Variants in SOX5 observed in about 807,000 individuals in gnomAD.
SOX5 encodes the protein SRY-box transcription factor 5, also known as transcription factor SOX-5.
In SOX5, 9 loss-of-function variants were observed where a neutral mutation model predicts 92.0. That is an observed-to-expected ratio of 0.10 (90% confidence interval 0.06 to 0.17). The LOEUF is 0.17. Ranked by LOEUF, SOX5 falls within the 10% of genes least tolerant of loss-of-function variation. SOX5 has a pLI of 1.00. For missense variants in SOX5, 642 were observed against 944.5 expected (o/e 0.68, Z 4.20); for synonymous variants, 344 against 336.3 (o/e 1.02, Z -0.25).
At chr12:23,839,259 C>T (rs2096481821) in intron 3 of SOX5, among the ~76,000 whole-genome samples, 2 of 151,992 alleles carry the variant, frequency 1.3e-5, no homozygotes, top group Admixed American at 6.6e-5. Context: ...TCATACACTT[C>T]CAAATTAAGA....
chr12:24,042,378 A>T (rs933424111), intron 4 of SOX5, among the ~76,000 whole-genome samples: 32 of 152,124 alleles, frequency 2.1e-4, no homozygotes, highest in Admixed American at 2.1e-3. Context: ...CTGGCCTGGA[A>T]TCCCTCTTGA....
intron 1 of SOX5, among the ~76,000 whole-genome samples, chr12:23,940,437 A>G (rs1024594637): frequency 1.3e-5 from 2 of 151,312 alleles, no homozygotes; most frequent in African/African-American, 4.8e-5. Flanking sequence ...AAATAGCTAC[A>G]TAAATGCAAG....
intron 7 of SOX5, among the ~76,000 whole-genome samples, chr12:23,643,238 A>T (rs1035559379): frequency 1.3e-5 from 2 of 152,190 alleles, no homozygotes; most frequent in Admixed American, 6.5e-5. Flanking sequence ...AGACTCAAGG[A>T]TGACTTCCAG....
At position 23,979,683 on chromosome 12, in the gene SOX5, C is replaced by CAT. The variant is rs200671303; in HGVS notation, c.-1-83661_-1-83660dup. 9.8e-3 allele frequency among the ~76,000 whole-genome samples: 1,126 copies of CAT among 114,416 alleles called. 17 individuals carry two copies. Among genetic ancestry groups the CAT allele is most frequent in the East Asian group, 0.02 (58 of 2,912 alleles). 75.1% of individuals were successfully genotyped at this position (114,416 alleles called of 152,430 possible). On this transcript the variant is annotated intron_variant, in intron 4 of 4. Coordinates refer to the SOX5 transcript ENST00000446891. The stretch of plus-strand genomic sequence containing the variant: ...CGTTTCTCATTTTCTTTCTTCCTTC[C>CAT]ATATATATATATATGTTTTTTTTGT...
intron 3 of SOX5, among the ~76,000 whole-genome samples, chr12:23,801,691 T>C (rs1354793189): frequency 4.6e-5 from 7 of 152,332 alleles, no homozygotes; most frequent in Non-Finnish European, 8.8e-5. Flanking sequence ...AAAATCTATT[T>C]AATTTTTCAG....
rs113099688 is a variant in SOX5, at chr12:24,410,951, T to C, written c.-250-42312A>G. On this transcript the variant is annotated intron_variant, in intron 1 of 4. Coordinates refer to the SOX5 transcript ENST00000446891. The stretch of plus-strand genomic sequence containing the variant: ...TGAGTGTTCCAGTCCATGAACATGA[T>C]AGAGCTATTTATTTAGATCTTCATT... 5.0e-3 allele frequency among the ~76,000 whole-genome samples: 757 copies of C among 152,322 alleles called. 9 individuals are homozygous for C. Among genetic ancestry groups the C allele is most frequent in the Middle Eastern group, 0.017 (5 of 294 alleles).
At chr12:24,083,837 T>C (rs1292181544) in intron 4 of SOX5, among the ~76,000 whole-genome samples, 1 of 152,046 alleles carries the variant, frequency 6.6e-6, no homozygotes, top group East Asian at 1.9e-4. Context: ...ATGAGGCTAT[T>C]TATATGGAAT....
At chr12:23,995,976 C>T (rs1202534015) in intron 4 of SOX5, among the ~76,000 whole-genome samples, 1 of 152,082 alleles carries the variant, frequency 6.6e-6, no homozygotes, top group African/African-American at 2.4e-5. Flanking sequence ...GAATATAAGC[C>T]TATGATATAT....
rs147592714 is a variant in SOX5 at position 24,114,365 on chromosome 12, T to C, written c.-2+98978A>G. The stretch of plus-strand genomic sequence containing the variant: ...GCTGAAGTGAGCAGATGGATTGAGC[T>C]CAGGAGTTTCAGACCAGCCTGGACA... On this transcript the variant is annotated intron_variant, in intron 4 of 4. Coordinates refer to the SOX5 transcript ENST00000446891. Among the ~76,000 whole-genome samples the C allele has an allele frequency of 1.6e-4, 25 of 151,990 alleles. No homozygotes were observed. In the East Asian group the frequency reaches 4.6e-3, roughly 28 times the overall value.
chr12:24,137,630 CA>C (rs1248754948), intron 4 of SOX5, among the ~76,000 whole-genome samples: 1 of 151,658 alleles, frequency 6.6e-6, no homozygotes, highest in African/African-American at 2.4e-5. Flanking sequence ...GACTCCGTCT[CA>C]AAAAAACAAA....
At chr12:23,862,185 A>G (rs1274301316) in intron 2 of SOX5, among the ~76,000 whole-genome samples, 1 of 152,190 alleles carries the variant, frequency 6.6e-6, no homozygotes, top group Non-Finnish European at 1.5e-5. Flanking sequence ...TCACATGCAA[A>G]TGACATAATA....
Position 24,087,811 on chromosome 12 carries a change from G to A in SOX5, c.-2+125532C>T, listed in dbSNP as rs570624239. 4.0e-5 allele frequency among the ~76,000 whole-genome samples: 6 copies of A among 151,478 alleles called. No individual in the cohort carries two copies. The South Asian group carries it at 1.3e-3, about 32-fold the overall frequency. On this transcript the variant is annotated intron_variant, in intron 4 of 4. Coordinates refer to the SOX5 transcript ENST00000446891. ...GAAATCTTCCTTTTAAAATATTGTT[G>A]GGGGTTAGTATTTTAAAATAAACCA...
intron 4 of SOX5, among the ~76,000 whole-genome samples, chr12:24,040,765 C>T (rs1376228879): frequency 2.0e-5 from 3 of 152,070 alleles, no homozygotes; most frequent in East Asian, 1.9e-4. Context: ...CCCAGTTCCT[C>T]GGGAGGCTGA....
intron 2 of SOX5, among the ~76,000 whole-genome samples, chr12:24,329,735 A>C (rs917321542): frequency 1.3e-5 from 2 of 152,186 alleles, no homozygotes; most frequent in Non-Finnish European, 2.9e-5. Flanking sequence ...TAAAATATAT[A>C]GTTAAGGCTG....
chr12:24,229,474 A>G (rs1050411713), intron 3 of SOX5, among the ~76,000 whole-genome samples: 2 of 152,158 alleles, frequency 1.3e-5, no homozygotes, highest in African/African-American at 4.8e-5. Flanking sequence ...CAGGCTAACC[A>G]TGGTCAGGAA....
chr12:24,097,283 T>C (rs1945538564), intron 4 of SOX5, among the ~76,000 whole-genome samples: 1 of 152,188 alleles, frequency 6.6e-6, no homozygotes, highest in Admixed American at 6.5e-5. Flanking sequence ...AGACTTATTA[T>C]ATACAATTTG....
At position 24,110,774 on chromosome 12, in the gene SOX5, G is replaced by A. The variant is rs368809483; in HGVS notation, c.-2+102569C>T. 3.3e-5 allele frequency among the ~76,000 whole-genome samples: 5 copies of A among 151,326 alleles called. No homozygotes were observed. The East Asian group carries it at 9.7e-4, about 29-fold the overall frequency. ...AAATTAGCTGGGCATAGTGGCAGGC[G>A]CCTGTAGGCCCAGCTACTCGGGAGG... On this transcript the variant is annotated intron_variant, in intron 4 of 4. Coordinates refer to the SOX5 transcript ENST00000446891.
intron 5 of SOX5, 117 bp from the exon 6 acceptor site, chr12:23,734,869 G>A (rs1567324312): frequency 7.2e-6 from 5 of 691,864 alleles, no homozygotes; most frequent in South Asian, 3.7e-5. Context: ...GAAAATAGAC[G>A]TGTCTGTGCT....
intron 8 of SOX5, among the ~76,000 whole-genome samples, chr12:23,622,455 C>A (rs1296192684): frequency 6.6e-6 from 1 of 152,046 alleles, no homozygotes; most frequent in Non-Finnish European, 1.5e-5. Context: ...TGATCCTACA[C>A]TTCAATGGTT....
Sources: gnomAD v4.1 joint callset for allele counts (sites outside exome capture counted in the v4.1 genomes callset) on GRCh38, gnomAD v4.1.1 for gene constraint, MANE v1.5 for transcripts, NCBI Gene and HGNC (gene_info 2026-07-23, HGNC 2026-07-21) for gene names.